The following KAZN variants were observed in gnomAD, a reference collection of about 807,000 sequenced individuals.
KAZN encodes the protein kazrin.
In KAZN, 40 loss-of-function variants were observed where a neutral mutation model predicts 87.4. The ratio of observed to expected loss-of-function variants is 0.46; its 90% confidence interval spans 0.36 to 0.60. The LOEUF (loss-of-function observed/expected upper bound fraction) is 0.60. Ranked by LOEUF, KAZN falls within the 20% of genes least tolerant of loss-of-function variation. The probability of loss-of-function intolerance (pLI) is 0.00; values close to 1 mark genes in which losing one functional copy is unlikely to be tolerated. For synonymous variants in KAZN, 466 were observed against 458.3 expected (o/e 1.02, Z -0.22); for missense variants, 898 against 1,073.9 (o/e 0.84, Z 2.29).
At chr1:14,772,358 C>T (rs570409980) in intron 1 of KAZN, among the ~76,000 whole-genome samples, 14 of 152,042 alleles carry the variant, frequency 9.2e-5, no homozygotes, top group Non-Finnish European at 2.1e-4. Flanking sequence ...GTGGCATGCA[C>T]CTGTGGTCCC....
intron 1 of KAZN, among the ~76,000 whole-genome samples, chr1:14,616,450 G>C (rs1376497467): frequency 6.6e-6 from 1 of 151,548 alleles, no homozygotes; most frequent in East Asian, 1.9e-4. Flanking sequence ...ACTTTCTAGG[G>C]AGCATAGAAG....
At chr1:14,448,772 C>T (rs190631258) in intron 2 of KAZN, among the ~76,000 whole-genome samples, 3 of 152,308 alleles carry the variant, frequency 2.0e-5, no homozygotes, top group Admixed American at 2.0e-4. Context: ...GCAACCCAAA[C>T]AAGACGCCTG....
At chr1:14,772,783 T>A (rs1645055449) in intron 1 of KAZN, among the ~76,000 whole-genome samples, 1 of 152,126 alleles carries the variant, frequency 6.6e-6, no homozygotes. Context: ...CATGGATTGA[T>A]CTTAAGAGCA....
chr1:14,754,004 C>A (rs1356228154), intron 1 of KAZN, among the ~76,000 whole-genome samples: 2 of 152,182 alleles, frequency 1.3e-5, no homozygotes, highest in Non-Finnish European at 2.9e-5. Flanking sequence ...AGAGCTTCCT[C>A]TATGGGACAC....
chr1:14,937,239 T>C (rs561771666), intron 1 of KAZN, among the ~76,000 whole-genome samples: 8 of 152,364 alleles, frequency 5.3e-5, no homozygotes, highest in Non-Finnish European at 1.0e-4. Flanking sequence ...CTAGGTGTTA[T>C]AGGACCAGAG....
intron 2 of KAZN, among the ~76,000 whole-genome samples, chr1:14,293,837 C>T (rs759730420): frequency 1.6e-4 from 24 of 152,094 alleles, no homozygotes; most frequent in Non-Finnish European, 2.8e-4. Flanking sequence ...GCCTCAGTTT[C>T]CCCAAGGTGG....
chr1:15,086,373 TCAAAGCGCTAAAA>T (rs1640258517), intron 8 of KAZN, among the ~76,000 whole-genome samples: 1 of 152,164 alleles, frequency 6.6e-6, no homozygotes. Flanking sequence ...AACAACATCG[TCAAAGCGCTAAAA>T]CAAAAGGCAA....
At chr1:14,336,135 G>A (rs777849518) in intron 2 of KAZN, among the ~76,000 whole-genome samples, 4 of 152,148 alleles carry the variant, frequency 2.6e-5, no homozygotes, top group Non-Finnish European at 4.4e-5. Context: ...CAAGGCTTTT[G>A]GCCTGAGCAA....
chr1:14,355,400 A>ATTTTTATT (rs1327855336), intron 2 of KAZN, among the ~76,000 whole-genome samples: 290 of 147,976 alleles, frequency 2.0e-3, no homozygotes, highest in African/African-American at 6.7e-3. Flanking sequence ...AACAATCTAC[A>ATTTTTATT]TATTTATTTA....
intron 2 of KAZN, among the ~76,000 whole-genome samples, chr1:14,478,737 C>T (rs988705498): frequency 6.6e-6 from 1 of 152,178 alleles, no homozygotes; most frequent in African/African-American, 2.4e-5. Flanking sequence ...CTCACACAGA[C>T]CCGTGCCCCA....
At position 14,883,350 on chromosome 1, in the gene KAZN, GAAAGAAA is replaced by G. The variant is rs1262505929; in HGVS notation, c.227-77332_227-77326del. 8.4e-3 allele frequency among the ~76,000 whole-genome samples: 290 copies of G among 34,516 alleles called. 35 individuals are homozygous for G. Among genetic ancestry groups the G allele is most frequent in the African/African-American group, 0.025 (276 of 11,162 alleles). The allele number at this position is 34,516 out of a possible 152,430, so 22.6% of individuals were successfully genotyped here. A position where few individuals can be genotyped will look rare whatever the true frequency, so the allele number is the denominator to read the frequency against. The stretch of plus-strand genomic sequence containing the variant: ...AGAGAGAGAGAGAGAGAGAAAGAAA[GAAAGAAA>G]AGAAAGAAAGAAAGAAAGAAAGAAA... On this transcript the variant is annotated intron_variant, in intron 1 of 14. Transcript: ENST00000376030.
At chr1:14,302,045 G>C (rs1208038674) in intron 2 of KAZN, among the ~76,000 whole-genome samples, 1 of 152,212 alleles carries the variant, frequency 6.6e-6, no homozygotes, top group Non-Finnish European at 1.5e-5. Context: ...CCTAGTGCAA[G>C]ATCTGGCACT....
intron 8 of KAZN, among the ~76,000 whole-genome samples, chr1:15,085,192 C>G (rs1057016525): frequency 6.6e-6 from 1 of 152,072 alleles, no homozygotes; most frequent in Non-Finnish European, 1.5e-5. Context: ...GAGATGAAAA[C>G]TAAAGGAGAA....
rs542748854 is a variant in KAZN, at chr1:14,574,028, G to T, written c.250-24955G>T. On this transcript the variant is annotated intron_variant, in intron 2 of 16. Transcript: ENST00000636203. ...ATATAGGCTCTTATTCCAAGCAGCA[G>T]TGATTTCATGACATAACGTTTCCAA... Among the ~76,000 whole-genome samples the T allele has an allele frequency of 2.6e-5, 4 of 152,246 alleles. No homozygotes were observed. The East Asian group carries it at 7.7e-4, about 29-fold the overall frequency.
chr1:14,712,982 C>T (rs1324092119), intron 1 of KAZN, among the ~76,000 whole-genome samples: 2 of 152,176 alleles, frequency 1.3e-5, no homozygotes, highest in Middle Eastern at 3.4e-3. Context: ...TTTTTAATGC[C>T]GCACTGCTGT....
chr1:14,547,100 G>A (rs1299550725), intron 2 of KAZN, among the ~76,000 whole-genome samples: 4 of 152,186 alleles, frequency 2.6e-5, no homozygotes, highest in Non-Finnish European at 4.4e-5. Context: ...TAAACCCCAG[G>A]TGTCTTTTCC....
In KAZN at chr1:14,768,942, C is replaced by T. The variant is rs182409026; in HGVS notation, c.226+169719C>T. ...ATTCATTCAAAATTTTAAAAAGTAC[C>T]ATCACATTGGGTTGAATTTGACCAG... On this transcript the variant is annotated intron_variant, in intron 1 of 14. Transcript: ENST00000376030. 3.4e-4 allele frequency among the ~76,000 whole-genome samples: 52 copies of T among 152,310 alleles called. No homozygotes were observed. In the East Asian group the frequency reaches 6.9e-3, roughly 20 times the overall value.
At position 13,981,089 on chromosome 1, in the gene KAZN, T is replaced by TATATATATATATATATA. The variant is rs1553181094; in HGVS notation, c.91+87333_91+87334insATATATATATATATATA. 2.5e-3 allele frequency among the ~76,000 whole-genome samples: 159 copies of TATATATATATATATATA among 63,112 alleles called. 14 individuals carry two copies. The highest frequency in any genetic ancestry group is 7.7e-3 in the South Asian group (16 of 2,070). The allele number at this position is 63,112 out of a possible 152,430, so 41.4% of individuals were successfully genotyped here. On this transcript the variant is annotated intron_variant, in intron 1 of 16. Coordinates refer to the KAZN transcript ENST00000636203. ...TTGGAGAGGTATAAAAAATTACTCT[T>TATATATATATATATATA]TATATATATATATATATATATGTAT...
At chr1:13,933,086 A>G (rs928586231) in intron 1 of KAZN, among the ~76,000 whole-genome samples, 1 of 152,152 alleles carries the variant, frequency 6.6e-6, no homozygotes, top group Non-Finnish European at 1.5e-5. Context: ...ATTGTACATG[A>G]CTATCACGTA....
Sources: allele counts gnomAD v4.1 joint callset (sites outside exome capture counted in the v4.1 genomes callset), GRCh38; gene constraint gnomAD v4.1.1; transcripts MANE v1.5; gene names NCBI Gene and HGNC (gene_info 2026-07-23, HGNC 2026-07-21).